ANO6: variants seen among roughly 807,000 people sequenced by gnomAD.
ANO6 encodes anoctamin-6.
A neutral mutation model predicts 117.5 loss-of-function variants in ANO6; 106 were observed. The observed-to-expected ratio is 0.90, with a 90% CI of 0.77 to 1.06. The LOEUF (loss-of-function observed/expected upper bound fraction) is 1.06. ANO6 is among the 50% of genes least tolerant of loss of function. The pLI is 0.00. For missense variants in ANO6, 955 were observed against 1,121.1 expected, an observed-to-expected ratio of 0.85 and a Z score of 2.12; for synonymous variants, 367 against 385.1, an observed-to-expected ratio of 0.95 and a Z score of 0.55.
Position 45,348,527 on chromosome 12 carries a change from A to G in ANO6, c.643A>G (p.Ile215Val), listed in dbSNP as rs549091177. The part of the protein sequence containing the change: ...PATRSRIVYF[I>V]LSRVKYQVIN... ...TTTGGAATCTTTTTAGGTTTACTTC[A>G]TCCTCTCTCGGGTCAAGTATCAAGT... is the stretch of plus-strand genomic sequence containing the variant. The change falls in exon 6 of 20, where the codon ATC (isoleucine) becomes GTC (valine). Residue 215 changes from isoleucine to valine, a missense_variant. Transcript: ENST00000320560. 1 of 1,613,784 alleles carries G rather than the reference A, an allele frequency of 6.2e-7. No homozygotes were observed. The highest frequency in any genetic ancestry group is 1.1e-5 in the South Asian group (1 of 91,078).
At chr12:45,262,630 G>T (rs537453586) in intron 1 of ANO6, among the ~76,000 whole-genome samples, 3 of 152,204 alleles carry the variant, frequency 2.0e-5, no homozygotes, top group African/African-American at 7.2e-5. Context: ...CTCCATGTTG[G>T]TCAGGGTGGT....
At chr12:45,312,083 T>C (rs1213096947) in intron 2 of ANO6, among the ~76,000 whole-genome samples, 1 of 152,038 alleles carries the variant, frequency 6.6e-6, no homozygotes, top group Non-Finnish European at 1.5e-5. Context: ...CCACAAAGTA[T>C]CACATTTGAA....
At chr12:45,347,221 A>G (rs902109492) in intron 4 of ANO6, 134 bp downstream of exon 4, 6 of 816,380 alleles carry the variant, frequency 7.3e-6, no homozygotes, top group South Asian at 5.7e-5. Context: ...AGAGGAGTCA[A>G]TCAAAATCTG....
rs563485977 is a variant in ANO6 at position 45,386,007 on chromosome 12, C to G, written c.1166-2154C>G. On this transcript the variant is annotated intron_variant, in intron 10 of 19. Transcript: ENST00000320560. The stretch of plus-strand genomic sequence containing the variant: ...GTCTGCAGGATTTCATTCTGGCTCT[C>G]TTCACTCTCTACTTCAGTGAGTCTC... Among the ~76,000 whole-genome samples the G allele has an allele frequency of 3.7e-4, 57 of 152,310 alleles. No individual in the cohort carries two copies. In the South Asian group the frequency reaches 5.6e-3, roughly 15 times the overall value.
intron 13 of ANO6, 82 bp from the exon 14 acceptor site, chr12:45,402,990 A>T: frequency 1.5e-6 from 2 of 1,293,460 alleles, no homozygotes; most frequent in Non-Finnish European, 2.2e-6. Flanking sequence ...TTAACGTGTT[A>T]ACTCATGTAT....
At chr12:45,272,725 T>C (rs1024783847) in intron 1 of ANO6, among the ~76,000 whole-genome samples, 2 of 152,156 alleles carry the variant, frequency 1.3e-5, no homozygotes, top group Non-Finnish European at 2.9e-5. Flanking sequence ...TGCATAACCA[T>C]TATGGAAAAC....
intron 15 of ANO6, 94 bp from the exon 16 acceptor site, chr12:45,409,263 G>C: frequency 6.7e-7 from 1 of 1,484,476 alleles, no homozygotes; most frequent in South Asian, 1.1e-5. Context: ...TTATTGGGAA[G>C]ATTACTTGTG....
intron 1 of ANO6, among the ~76,000 whole-genome samples, chr12:45,233,833 C>G (rs1316426401): frequency 7.2e-5 from 11 of 152,140 alleles, no homozygotes; most frequent in Non-Finnish European, 1.3e-4. Flanking sequence ...ATTGATTTTG[C>G]CCATTCTTGA....
In ANO6 at chr12:45,331,343, C is replaced by G; in HGVS notation, c.199C>G (p.Arg67Gly). 2 of 1,607,530 alleles carry G rather than the reference C, an allele frequency of 1.2e-6. No homozygotes were observed. Among genetic ancestry groups the G allele is most frequent in the Non-Finnish European group, 1.7e-6 (2 of 1,176,746 alleles). Residue 67 changes from arginine (R) to glycine (G), a missense_variant, in exon 3 of 20, where the codon CGA (arginine) becomes GGA (glycine). By Grantham distance (125) the Arg-to-Gly change is moderately radical. Coordinates refer to ENST00000320560, the MANE Select transcript of ANO6 (RefSeq NM_001025356.3). ...CTCCCTCTTTTTTAATGATGGCCAGCGAAGAATTGACTTTGTTCTAGTATA... is the reference window on the plus strand; with the variant it reads ...CTCCCTCTTTTTTAATGATGGCCAGGGAAGAATTGACTTTGTTCTAGTATA... The part of the protein sequence containing the change: ...PDSLFFNDGQ[R>G]RIDFVLVYED...
chr12:45,243,096 C>T (rs1947770571), intron 1 of ANO6, among the ~76,000 whole-genome samples: 1 of 152,182 alleles, frequency 6.6e-6, no homozygotes, highest in African/African-American at 2.4e-5. Context: ...GGGAGGATTG[C>T]TTGAGCCTAG....
chr12:45,279,763 C>T (rs904244955), intron 1 of ANO6, among the ~76,000 whole-genome samples: 2 of 152,148 alleles, frequency 1.3e-5, no homozygotes, highest in South Asian at 2.1e-4. Context: ...TCTCTTTTTA[C>T]GCATAGATTT....
At chr12:45,404,306 T>G (rs897709033) in intron 15 of ANO6, among the ~76,000 whole-genome samples, 1 of 152,226 alleles carries the variant, frequency 6.6e-6, no homozygotes, top group Admixed American at 6.5e-5. Flanking sequence ...CTTTACAATT[T>G]TCACTTAGGC....
intron 1 of ANO6, among the ~76,000 whole-genome samples, chr12:45,257,473 C>A (rs1039861139): frequency 6.6e-6 from 1 of 152,198 alleles, no homozygotes; most frequent in Non-Finnish European, 1.5e-5. Context: ...TTTCCTCCCC[C>A]ACACCACAAG....
chr12:45,268,670 A>G (rs1327728573), intron 1 of ANO6, among the ~76,000 whole-genome samples: 3 of 152,124 alleles, frequency 2.0e-5, no homozygotes, highest in Non-Finnish European at 4.4e-5. Flanking sequence ...TGGTCTTTAC[A>G]AGAGTTGTTG....
intron 8 of ANO6, 88 bp downstream of exon 8, chr12:45,357,512 A>G (rs1941444262): frequency 1.3e-5 from 19 of 1,469,540 alleles, no homozygotes; most frequent in Non-Finnish European, 1.8e-5. Context: ...TTGGTAAGAC[A>G]AGACTGACTG....
chr12:45,337,265 C>T (rs891827830), intron 3 of ANO6, among the ~76,000 whole-genome samples: 25 of 151,998 alleles, frequency 1.6e-4, no homozygotes, highest in African/African-American at 6.0e-4. Context: ...ACTGGTATAC[C>T]ATCTGTAAAA....
At chr12:45,310,155 A>G (rs1939803309) in intron 2 of ANO6, among the ~76,000 whole-genome samples, 1 of 152,146 alleles carries the variant, frequency 6.6e-6, no homozygotes, top group Non-Finnish European at 1.5e-5. Context: ...ATTGGGGAGT[A>G]TGAGCAAAAG....
chr12:45,225,195 A>C (rs900318409), intron 1 of ANO6, among the ~76,000 whole-genome samples: 2 of 152,110 alleles, frequency 1.3e-5, no homozygotes, highest in African/African-American at 4.8e-5. Context: ...AAAAAAAAAA[A>C]AAAAAAACTC....
chr12:45,261,409 A>T (rs1297569200), intron 1 of ANO6, among the ~76,000 whole-genome samples: 1 of 152,162 alleles, frequency 6.6e-6, no homozygotes, highest in Non-Finnish European at 1.5e-5. Flanking sequence ...AATGATATTG[A>T]TTGGACAACT....
Sources: gnomAD v4.1 joint callset for allele counts (sites outside exome capture counted in the v4.1 genomes callset) on GRCh38, gnomAD v4.1.1 for gene constraint, MANE v1.5 for transcripts, NCBI Gene and HGNC (gene_info 2026-07-23, HGNC 2026-07-21) for gene names.